CRMP1: variants seen among roughly 807,000 people sequenced by gnomAD.
CRMP1 encodes the protein dihydropyrimidinase-related protein 1.
In CRMP1, 19 loss-of-function variants were observed where a neutral mutation model predicts 68.3. That is an observed-to-expected ratio of 0.28 (90% CI 0.19 to 0.41). The LOEUF is 0.41. Among genes scored for constraint, CRMP1 ranks in the 10% least tolerant of loss-of-function variants. The pLI is 1.00. For synonymous variants in CRMP1, 439 were observed against 399.6 expected (o/e 1.10, Z -1.18); for missense variants, 791 against 967.4 (o/e 0.82, Z 2.42).
rs1291783988 is a variant in CRMP1, at chr4:5,855,987, G to C, written c.820+156C>G. 6.6e-6 allele frequency among the ~76,000 whole-genome samples: 1 copy of C among 152,196 alleles called. No individual in the cohort carries two copies. Among genetic ancestry groups the C allele is most frequent in the African/African-American group, 2.4e-5 (1 of 41,434 alleles). ...AGGAGAAAAGGATGGACTCTGTAAA[G>C]GGACTGGCCTGTTTCCTCACTGTCA... On this transcript the variant is annotated intron_variant, in intron 4 of 13. Coordinates refer to ENST00000324989, the MANE Select transcript of CRMP1 (RefSeq NM_001014809.3). This position sits in a 1 kb window ranked among gnomAD's most constrained non-coding sequence, Gnocchi z 4.9.
chr4:5,885,732 A>C (rs1469330201), intron 1 of CRMP1, among the ~76,000 whole-genome samples: 1 of 152,152 alleles, frequency 6.6e-6, no homozygotes, highest in African/African-American at 2.4e-5. Context: ...CTAACACTTC[A>C]GGCTGAAATG....
Position 5,881,620 on chromosome 4 carries a change from GGCAA to G in CRMP1, c.381+10965_381+10968del, listed in dbSNP as rs1715227899. On this transcript the variant is annotated intron_variant, in intron 1 of 13. Coordinates refer to ENST00000324989, the MANE Select transcript of CRMP1 (RefSeq NM_001014809.3). This position sits in a 1 kb window ranked among gnomAD's most constrained non-coding sequence, Gnocchi z 4.6. ...AAGTCCTCCGGTGTTCCTCTTCCAT[GGCAA>G]GAGCTGACTTTTACTTACAGCAAAT... Among the ~76,000 whole-genome samples the G allele has an allele frequency of 6.6e-6, 1 of 152,034 alleles. No individual in the cohort carries two copies. Among genetic ancestry groups the G allele is most frequent in the Non-Finnish European group, 1.5e-5 (1 of 68,034 alleles).
In CRMP1 at chr4:5,825,910, C is replaced by CATA. The variant is rs879943965; in HGVS notation, c.1804-252_1804-251insTAT. ...ATGCATACACATACAGACGCACACA[C>CATA]CACGCACACGCACTCACATACATGC... On this transcript the variant is annotated intron_variant, in intron 12 of 13. Coordinates refer to ENST00000324989, the MANE Select transcript of CRMP1 (RefSeq NM_001014809.3). This position sits in a 1 kb window ranked among gnomAD's most constrained non-coding sequence, Gnocchi z 4.4. 0.036 allele frequency: 18,551 copies of CATA among 516,762 alleles called. 430 individuals carry two copies. Among genetic ancestry groups the CATA allele is most frequent in the African/African-American group, 0.056 (2,786 of 49,716 alleles). 32.0% of individuals were successfully genotyped at this position (516,762 alleles called of 1,614,324 possible). A position where few individuals can be genotyped will look rare whatever the true frequency, so the allele number is the denominator to read the frequency against.
rs972518563 is a variant in CRMP1 at position 5,859,012 on chromosome 4, C to A, written c.655+2014G>T. On this transcript the variant is annotated intron_variant, in intron 3 of 13. Coordinates refer to ENST00000324989, the MANE Select transcript of CRMP1 (RefSeq NM_001014809.3). This position sits in a 1 kb window ranked among gnomAD's most constrained non-coding sequence, Gnocchi z 5.2. ...ATGTCACTTCTTCAGAGAACACTTC[C>A]CTGAGACCCTGCCCCTCAGTTCAAA... 1.1e-4 allele frequency among the ~76,000 whole-genome samples: 16 copies of A among 152,210 alleles called. No individual in the cohort carries two copies. Among genetic ancestry groups the A allele is most frequent in the African/African-American group, 3.1e-4 (13 of 41,454 alleles).
At position 5,841,365 on chromosome 4, in the gene CRMP1, T is replaced by C. The variant is rs760128691; in HGVS notation, c.1096A>G (p.Ile366Val). ...GCACTCTTGCTCATGACCTTGGTGA[T>C]GTACACAGGGCAGTTGATCCGGCCC... ...IAGRINCPVY[I>V]TKVMSKSAAD... The change falls in exon 8 of 14, where the codon ATC becomes GTC. Residue 366 changes from isoleucine to valine, a missense_variant. This residue lies in a region of CRMP1 where 594 missense variants were observed against 763.6 expected (regional missense o/e 0.78). Coordinates refer to ENST00000324989, the MANE Select transcript of CRMP1 (RefSeq NM_001014809.3). This position sits in a 1 kb window ranked among gnomAD's most constrained non-coding sequence, Gnocchi z 6.9. 15 of 1,614,106 alleles carry C rather than the reference T, an allele frequency of 9.3e-6. No homozygotes were observed. The highest frequency in any genetic ancestry group is 8.9e-5 in the East Asian group (4 of 44,864).
rs2152425383 is a variant in CRMP1 at position 5,821,302 on chromosome 4, G to C, written c.*458C>G. 1 of 158,874 alleles carries C rather than the reference G, an allele frequency of 6.3e-6. No individual in the cohort carries two copies. Among genetic ancestry groups the C allele is most frequent in the Admixed American group, 6.2e-5 (1 of 16,180 alleles). The allele number at this position is 158,874 out of a possible 1,614,324, so 9.8% of individuals were successfully genotyped here. The stretch of plus-strand genomic sequence containing the variant: ...GTTTTGGGACTGCCCCTCAGGGCTT[G>C]AGGTCTCGGCATCGTGTCTCAGTCA... On this transcript the variant is annotated 3_prime_UTR_variant, in exon 14 of 14. Transcript: ENST00000324989. The surrounding 1 kb of genome is among the most constrained non-coding windows in gnomAD (Gnocchi z 4.4).
At chr4:5,839,821 C>T (rs998423137) in intron 8 of CRMP1, 143 bp from the exon 9 acceptor site, 26 of 965,504 alleles carry the variant, frequency 2.7e-5, no homozygotes, top group African/African-American at 1.5e-4. Context: ...CAGGCATCAC[C>T]GCCTGCACCG....
rs1222755458 is a variant in CRMP1 at position 5,825,967 on chromosome 4, G to T, written c.1804-308C>A. 4 of 422,616 alleles carry T rather than the reference G, an allele frequency of 9.5e-6. No homozygotes were observed. The highest frequency in any genetic ancestry group is 1.7e-5 in the Non-Finnish European group (4 of 236,858). 26.2% of individuals were successfully genotyped at this position (422,616 alleles called of 1,614,324 possible). A position where few individuals can be genotyped will look rare whatever the true frequency, so the allele number is the denominator to read the frequency against. On this transcript the variant is annotated intron_variant, in intron 12 of 13. Transcript: ENST00000324989. This position sits in a 1 kb window ranked among gnomAD's most constrained non-coding sequence, Gnocchi z 4.4. ...GCACACATATATGCATGCACATGCAGTAACAAAACAGGCCTACACAGTAGC... is the reference window on the plus strand; with the variant it reads ...GCACACATATATGCATGCACATGCATTAACAAAACAGGCCTACACAGTAGC...
At chr4:5,856,909 TTATCAC>T in intron 3 of CRMP1, among the ~76,000 whole-genome samples, 1 of 133,056 alleles carries the variant, frequency 7.5e-6, no homozygotes, top group African/African-American at 2.9e-5. Context: ...ATTACTAACA[TTATCAC>T]CACCACCACC....
chr4:5,825,986 CAGT>C lies in CRMP1; in HGVS notation c.1804-330_1804-328del, dbSNP rs540391927. On this transcript the variant is annotated intron_variant, in intron 12 of 13. Coordinates refer to ENST00000324989, the MANE Select transcript of CRMP1 (RefSeq NM_001014809.3). The surrounding 1 kb of genome is among the most constrained non-coding windows in gnomAD (Gnocchi z 4.4). ...CATGCAGTAACAAAACAGGCCTACA[CAGT>C]AGCATACACGCGTGAACACGCACAC... 854 of 378,892 alleles carry C rather than the reference CAGT, an allele frequency of 2.3e-3. 3 individuals carry two copies. Among genetic ancestry groups the C allele is most frequent in the Middle Eastern group, 0.011 (16 of 1,444 alleles). 23.5% of individuals were successfully genotyped at this position (378,892 alleles called of 1,614,324 possible).
rs915836311 is a variant in CRMP1 at position 5,821,545 on chromosome 4, T to C, written c.*215A>G. ...TGAAAACACCATGCTCCGAGGTGGA[T>C]TCAGCATGAACACAACTGTGGGGCA... On this transcript the variant is annotated 3_prime_UTR_variant, in exon 14 of 14. Transcript: ENST00000324989. The surrounding 1 kb of genome is among the most constrained non-coding windows in gnomAD (Gnocchi z 4.4). The C allele has an allele frequency of 2.0e-5, 11 of 557,724 alleles. No individual in the cohort carries two copies. Among genetic ancestry groups the C allele is most frequent in the Non-Finnish European group, 3.2e-5 (10 of 312,630 alleles). 34.5% of individuals were successfully genotyped at this position (557,724 alleles called of 1,614,324 possible).
chr4:5,839,849 C>G (rs980570154), intron 8 of CRMP1, among the ~76,000 whole-genome samples, 171 bp from the exon 9 acceptor site: 2 of 152,218 alleles, frequency 1.3e-5, no homozygotes, highest in African/African-American at 4.8e-5. Context: ...CTTGGGTGTC[C>G]GGGCCCAGCT....
rs2152477776 is a variant in CRMP1 at position 5,889,966 on chromosome 4, A to AC, written c.381+2622dup. 2 of 1,273,666 alleles carry AC rather than the reference A, an allele frequency of 1.6e-6. No homozygotes were observed. The highest frequency in any genetic ancestry group is 6.8e-5 in the East Asian group (2 of 29,448). The allele number at this position is 1,273,666 out of a possible 1,614,324, so 78.9% of individuals were successfully genotyped here. On this transcript the variant is annotated intron_variant, in intron 1 of 13. Transcript: ENST00000324989. The surrounding 1 kb of genome is among the most constrained non-coding windows in gnomAD (Gnocchi z 4.5). ...GAGGCTTACAGAGGTAAAATGATGTACCCCGGGTGCAAAACATATTAGCTG... is the reference window on the plus strand; with the variant it reads ...GAGGCTTACAGAGGTAAAATGATGTACCCCCGGGTGCAAAACATATTAGCTG...
In CRMP1 at chr4:5,866,668, T is replaced by A; in HGVS notation, c.470A>T (p.Lys157Ile). The A allele has an allele frequency of 6.2e-7, 1 of 1,611,450 alleles. No homozygotes were observed. The highest frequency in any genetic ancestry group is 1.3e-5 in the African/African-American group (1 of 74,922). ...AAAAGGTCCGTTTTGATCAACCCACTTGATAAGTCCATCCTCCAGGTAGAC... is the reference window on the plus strand; with the variant it reads ...AAAAGGTCCGTTTTGATCAACCCACATGATAAGTCCATCCTCCAGGTAGAC... ...ADVYLEDGLI[K>I]QIGENLIVPG... The change falls in exon 2 of 14, where the codon AAA becomes ATA. Residue 157 changes from lysine (K) to isoleucine (I), a missense_variant and splice_region_variant. Lys to Ile is a moderately radical substitution (Grantham distance 102). This residue lies in a region of CRMP1 where 594 missense variants were observed against 763.6 expected (regional missense o/e 0.78). Coordinates refer to ENST00000324989, the MANE Select transcript of CRMP1 (RefSeq NM_001014809.3). The surrounding 1 kb of genome is among the most constrained non-coding windows in gnomAD (Gnocchi z 5.9).
At chr4:5,885,002 C>T (rs969072002) in intron 1 of CRMP1, among the ~76,000 whole-genome samples, 36 of 145,850 alleles carry the variant, frequency 2.5e-4, no homozygotes, top group Non-Finnish European at 4.7e-4. Context: ...AAAAAAAAGA[C>T]ACGCATGAAA....
chr4:5,888,324 C>A lies in CRMP1; in HGVS notation c.381+4265G>T, dbSNP rs1193064616. On this transcript the variant is annotated intron_variant, in intron 1 of 13. Transcript: ENST00000324989. This position sits in a 1 kb window ranked among gnomAD's most constrained non-coding sequence, Gnocchi z 6.4. ...ACCTGCGGGGCTGTCTGACTGGAAC[C>A]GGCGCTCTCGGCCCCGCTCCCAGCG... 20 of 1,241,680 alleles carry A rather than the reference C, an allele frequency of 1.6e-5. No homozygotes were observed. Among genetic ancestry groups the A allele is most frequent in the Non-Finnish European group, 1.8e-5 (18 of 987,836 alleles). 76.9% of individuals were successfully genotyped at this position (1,241,680 alleles called of 1,614,324 possible).
Position 5,859,603 on chromosome 4 carries a change from C to T in CRMP1, c.655+1423G>A, listed in dbSNP as rs78647396. Among the ~76,000 whole-genome samples the T allele has an allele frequency of 0.021, 3,235 of 152,310 alleles. 98 individuals carry two copies. Among genetic ancestry groups the T allele is most frequent in the African/African-American group, 0.068 (2,808 of 41,572 alleles). On this transcript the variant is annotated intron_variant, in intron 3 of 13. Coordinates refer to ENST00000324989, the MANE Select transcript of CRMP1 (RefSeq NM_001014809.3). The surrounding 1 kb of genome is among the most constrained non-coding windows in gnomAD (Gnocchi z 5.2). ...AGGCTCAGAGAGGCTGAGTGCTGGCCACAGTCATGCAGTTGCCTGCTGAGT... is the reference window on the plus strand; with the variant it reads ...AGGCTCAGAGAGGCTGAGTGCTGGCTACAGTCATGCAGTTGCCTGCTGAGT...
At chr4:5,833,022 G>A (rs1720483595) in intron 11 of CRMP1, among the ~76,000 whole-genome samples, 1 of 152,158 alleles carries the variant, frequency 6.6e-6, no homozygotes, top group Non-Finnish European at 1.5e-5. Flanking sequence ...TGTAAGGGAT[G>A]CCTTACCCGC....
Position 5,854,135 on chromosome 4 carries a change from T to C in CRMP1, c.820+2008A>G, listed in dbSNP as rs968981239. Among the ~76,000 whole-genome samples, 2 of 152,160 alleles carry C rather than the reference T, an allele frequency of 1.3e-5. No homozygotes were observed. The highest frequency in any genetic ancestry group is 4.8e-5 in the African/African-American group (2 of 41,454). ...GCTTAAGGCGGCAACCTGGGGAAAA[T>C]TGCTCAGAACTTAACATTAGGTAAG... is the stretch of plus-strand genomic sequence containing the variant. On this transcript the variant is annotated intron_variant, in intron 4 of 13. Transcript: ENST00000324989. This position sits in a 1 kb window ranked among gnomAD's most constrained non-coding sequence, Gnocchi z 4.0.
Sources: gnomAD v4.1 joint callset for allele counts (sites outside exome capture counted in the v4.1 genomes callset) on GRCh38, gnomAD v4.1.1 for gene constraint, gnomAD v4.1.1 regional missense constraint, Gnocchi (gnomAD v3.1) non-coding constraint, MANE v1.5 for transcripts, NCBI Gene and HGNC (gene_info 2026-07-23, HGNC 2026-07-21) for gene names.